Variants in DNTTIP1 observed in about 807,000 individuals in gnomAD.
The protein encoded by DNTTIP1 is deoxynucleotidyltransferase terminal interacting protein 1.
Under a neutral mutation model 52.9 loss-of-function variants are expected in DNTTIP1, and 22 were observed. The observed-to-expected ratio is 0.42, with a 90% CI of 0.30 to 0.59. DNTTIP1 has a LOEUF of 0.59. Among genes scored for constraint, DNTTIP1 ranks in the 20% least tolerant of loss-of-function variants. The probability of loss-of-function intolerance (pLI) is 0.22; values close to 1 mark genes in which losing one functional copy is unlikely to be tolerated. For synonymous variants in DNTTIP1, 136 were observed against 155.1 expected (o/e 0.88, Z 0.92); for missense variants, 286 against 435.5 (o/e 0.66, Z 3.06).
intron 3 of DNTTIP1, 50 bp downstream of exon 3, chr20:45,794,067 C>A: frequency 8.6e-7 from 1 of 1,165,608 alleles, no homozygotes; most frequent in Non-Finnish European, 1.2e-6. Context: ...TCATGAGGAG[C>A]CCAGTCCTTG....
intron 8 of DNTTIP1, 81 bp downstream of exon 8, chr20:45,803,459 G>A (rs777521015): frequency 1.0e-5 from 16 of 1,526,084 alleles, no homozygotes; most frequent in Non-Finnish European, 1.4e-5. Context: ...GAGGGAAAGG[G>A]GCAGGGGGCG....
intron 1 of DNTTIP1, among the ~76,000 whole-genome samples, chr20:45,792,377 A>G (rs1352150491): frequency 2.0e-5 from 3 of 152,210 alleles, no homozygotes; most frequent in African/African-American, 4.8e-5. Flanking sequence ...GTGGGATGGG[A>G]AGATAAAGGC....
At chr20:45,800,766 G>T (rs1981438665) in intron 4 of DNTTIP1, among the ~76,000 whole-genome samples, 9 of 123,244 alleles carry the variant, frequency 7.3e-5, no homozygotes, top group Non-Finnish European at 9.7e-5. Context: ...TTTGGAAGTG[G>T]GCCGATCACT....
In DNTTIP1 at chr20:45,809,876, T is replaced by G. The variant is rs1165609150; in HGVS notation, c.795+691T>G. 6.6e-6 allele frequency among the ~76,000 whole-genome samples: 1 copy of G among 152,182 alleles called. No individual in the cohort carries two copies. The highest frequency in any genetic ancestry group is 2.4e-5 in the African/African-American group (1 of 41,426). On this transcript the variant is annotated intron_variant, in intron 11 of 12. Transcript: ENST00000372622. The surrounding 1 kb of genome is among the most constrained non-coding windows in gnomAD (Gnocchi z 4.2). ...CAGTGAGAGCTACCTTTTATTTTAT[T>G]TTACTACTCTATTTATGCCTATGCT...
At chr20:45,804,904 T>G (rs1981583559) in intron 8 of DNTTIP1, among the ~76,000 whole-genome samples, 1 of 152,166 alleles carries the variant, frequency 6.6e-6, no homozygotes, top group Admixed American at 6.6e-5. Context: ...CACAATGGTG[T>G]AATTATCTGT....
Position 45,809,070 on chromosome 20 carries a change from C to A in DNTTIP1, c.724-44C>A. 1 of 1,559,136 alleles carries A rather than the reference C, an allele frequency of 6.4e-7. No homozygotes were observed. Among genetic ancestry groups the A allele is most frequent in the South Asian group, 1.1e-5 (1 of 89,782 alleles). Reference sequence around the variant, plus strand: ...ATGCTCTGGGACCAAATGAGAAAAGCCCCTTACCCGAGGCTAATTTTCTTA... The same window carrying A: ...ATGCTCTGGGACCAAATGAGAAAAGACCCTTACCCGAGGCTAATTTTCTTA... On this transcript the variant is annotated intron_variant, in intron 10 of 12. Transcript: ENST00000372622. The surrounding 1 kb of genome is among the most constrained non-coding windows in gnomAD (Gnocchi z 4.2).
At position 45,792,056 on chromosome 20, in the gene DNTTIP1, A is replaced by G; in HGVS notation, c.52A>G (p.Arg18Gly). The change falls in exon 1 of 13, where the codon AGG (arginine) becomes GGG (glycine). Residue 18 changes from arginine (R) to glycine (G), a missense_variant. This residue lies in a region of DNTTIP1 where 208 missense variants were observed against 266.5 expected (regional missense o/e 0.78). Coordinates refer to ENST00000372622, the MANE Select transcript of DNTTIP1 (RefSeq NM_052951.3). ...EQPRGPSGAE[R>G]GGLELGDAGA... is the part of the protein sequence containing the mutation. ...GCCGCGGGGACCTAGCGGGGCCGAGAGGGGCGGCTTGGAGCTGGGGGATGC... is the reference window on the plus strand; with the variant it reads ...GCCGCGGGGACCTAGCGGGGCCGAGGGGGGCGGCTTGGAGCTGGGGGATGC... The G allele has an allele frequency of 7.8e-7, 1 of 1,284,344 alleles. No homozygotes were observed. Among genetic ancestry groups the G allele is most frequent in the East Asian group, 2.8e-5 (1 of 35,460 alleles). 79.6% of individuals were successfully genotyped at this position (1,284,344 alleles called of 1,614,324 possible).
intron 10 of DNTTIP1, among the ~76,000 whole-genome samples, chr20:45,805,741 C>G (rs1981616705): frequency 6.6e-6 from 1 of 152,188 alleles, no homozygotes; most frequent in Non-Finnish European, 1.5e-5. Context: ...CCAGGTCTGT[C>G]CTCACCAAAG....
chr20:45,794,163 T>G (rs540329937), intron 3 of DNTTIP1, 146 bp downstream of exon 3: 15 of 497,074 alleles, frequency 3.0e-5, no homozygotes, highest in African/African-American at 3.0e-4. Context: ...TGTTTTGTGT[T>G]TTTGAGACAG....
intron 10 of DNTTIP1, among the ~76,000 whole-genome samples, chr20:45,806,324 C>T (rs1047012096): frequency 7.2e-6 from 1 of 138,644 alleles, no homozygotes; most frequent in African/African-American, 2.7e-5. Flanking sequence ...CCATTGCACT[C>T]CAGCCTGGGC....
At chr20:45,810,350 A>G (rs7267183) in intron 11 of DNTTIP1, among the ~76,000 whole-genome samples, 2,301 of 152,330 alleles carry the variant, frequency 0.015, 56 homozygotes, top group African/African-American at 0.053. Flanking sequence ...ATTACTAGAC[A>G]GCAGAGCAGT....
chr20:45,801,936 C>T, intron 6 of DNTTIP1, 63 bp from the exon 7 acceptor site: 17 of 1,512,454 alleles, frequency 1.1e-5, no homozygotes, highest in Non-Finnish European at 1.6e-5. Context: ...GACCCTGGAC[C>T]TGCCAATGGG....
At chr20:45,808,649 A>G (rs199921874) in intron 10 of DNTTIP1, among the ~76,000 whole-genome samples, 13 of 150,114 alleles carry the variant, frequency 8.7e-5, no homozygotes, top group Non-Finnish European at 1.9e-4. Flanking sequence ...TCAATCGATC[A>G]ATCAATCAAT....
At position 45,811,048 on chromosome 20, in the gene DNTTIP1, C is replaced by T; in HGVS notation, c.852-9C>T. The T allele has an allele frequency of 1.9e-6, 3 of 1,613,508 alleles. No homozygotes were observed. The highest frequency in any genetic ancestry group is 2.5e-6 in the Non-Finnish European group (3 of 1,179,602). ...TTCCCCCAACTTCTCTCTTCAATGT[C>T]TGTTCCAGAGGATGCCTGGATCTGA... On this transcript the variant is annotated splice_polypyrimidine_tract_variant and intron_variant, in intron 12 of 12. Transcript: ENST00000372622.
chr20:45,800,685 A>G (rs1981401307), intron 4 of DNTTIP1, among the ~76,000 whole-genome samples: 1 of 53,380 alleles, frequency 1.9e-5, no homozygotes, highest in Non-Finnish European at 3.2e-5. Flanking sequence ...AATTTAAAAA[A>G]AAAAAAAAAA....
intron 1 of DNTTIP1, 188 bp from the exon 2 acceptor site, chr20:45,792,489 G>A (rs1416870825): frequency 4.0e-6 from 2 of 505,952 alleles, no homozygotes; most frequent in Non-Finnish European, 7.0e-6. Flanking sequence ...GACTTTTAAG[G>A]CAGGAAACTT....
Position 45,809,895 on chromosome 20 carries a change from C to T in DNTTIP1, c.795+710C>T, listed in dbSNP as rs887530052. Among the ~76,000 whole-genome samples, 8 of 151,986 alleles carry T rather than the reference C, an allele frequency of 5.3e-5. No homozygotes were observed. Among genetic ancestry groups the T allele is most frequent in the African/African-American group, 1.2e-4 (5 of 41,348 alleles). ...TTTTATTTTACTACTCTATTTATGC[C>T]TATGCTTTACTTCAAAAAAGATTTC... On this transcript the variant is annotated intron_variant, in intron 11 of 12. Transcript: ENST00000372622. This position sits in a 1 kb window ranked among gnomAD's most constrained non-coding sequence, Gnocchi z 4.2.
chr20:45,811,035 C>G (rs753920543), intron 12 of DNTTIP1, 22 bp from the exon 13 acceptor site: 1 of 1,613,250 alleles, frequency 6.2e-7, no homozygotes, highest in Non-Finnish European at 8.5e-7. Context: ...CCCCCAACTT[C>G]TCTCTTCAAT....
At chr20:45,794,543 G>GC (rs1358959319) in intron 3 of DNTTIP1, among the ~76,000 whole-genome samples, 1 of 151,590 alleles carries the variant, frequency 6.6e-6, no homozygotes, top group Admixed American at 6.6e-5. Context: ...CACGCACGTG[G>GC]TTTTTTTTGC....
Sources: gnomAD v4.1 joint callset for allele counts (sites outside exome capture counted in the v4.1 genomes callset) on GRCh38, gnomAD v4.1.1 for gene constraint, gnomAD v4.1.1 regional missense constraint, Gnocchi (gnomAD v3.1) non-coding constraint, MANE v1.5 for transcripts, NCBI Gene and HGNC (gene_info 2026-07-23, HGNC 2026-07-21) for gene names.